The following TRIOBP variants were observed in gnomAD, a reference collection of about 807,000 sequenced individuals.
TRIOBP encodes the protein TRIO and F-actin binding protein.
A neutral mutation model predicts 238.8 loss-of-function variants in TRIOBP; 169 were observed. The ratio of observed to expected loss-of-function variants is 0.71; its 90% confidence interval spans 0.62 to 0.80. The LOEUF (loss-of-function observed/expected upper bound fraction) is 0.80, where lower values mean the gene tolerates loss of function less well. TRIOBP is among the 30% of genes least tolerant of loss of function. The probability of loss-of-function intolerance (pLI) is 0.00; values close to 1 mark genes in which losing one functional copy is unlikely to be tolerated. For missense variants in TRIOBP, 2,838 were observed against 3,122.6 expected, an observed-to-expected ratio of 0.91 and a Z score of 2.17; for synonymous variants, 1,150 against 1,274.4, an observed-to-expected ratio of 0.90 and a Z score of 2.08.
intron 7 of TRIOBP, among the ~76,000 whole-genome samples, chr22:37,730,039 G>C (rs1924349968): frequency 6.6e-6 from 1 of 152,076 alleles, no homozygotes; most frequent in African/African-American, 2.4e-5. Context: ...TGGGAGTTTT[G>C]GCTTGATCTT....
chr22:37,723,675 C>T lies in TRIOBP; in HGVS notation c.1119C>T (p.Pro373=), dbSNP rs1421076696. The change falls in exon 7 of 24, where the codon CCC becomes CCT. Residue 373 remains proline (P), a synonymous_variant. Coordinates refer to ENST00000644935, the MANE Select transcript of TRIOBP (RefSeq NM_001039141.3). Reference sequence around the variant, plus strand: ...AAACTTCTTTTCCTACTTGTACTCCCCAGCGGGAAAACCCCAGGACACCCT... The same window carrying T: ...AAACTTCTTTTCCTACTTGTACTCCTCAGCGGGAAAACCCCAGGACACCCT... ...NPQTSFPTCT[P]QRENPRTPCV... 6.2e-7 allele frequency: 1 copy of T among 1,613,840 alleles called. No homozygotes were observed. The highest frequency in any genetic ancestry group is 1.7e-5 in the Admixed American group (1 of 59,988).
At chr22:37,754,609 G>T (rs573985140) in intron 12 of TRIOBP, among the ~76,000 whole-genome samples, 1 of 152,098 alleles carries the variant, frequency 6.6e-6, no homozygotes, top group Non-Finnish European at 1.5e-5. Context: ...ACCCCTCCCT[G>T]TCTGCACTGG....
chr22:37,729,076 C>T (rs1055628968), intron 7 of TRIOBP, among the ~76,000 whole-genome samples: 4 of 152,250 alleles, frequency 2.6e-5, no homozygotes, highest in Admixed American at 1.3e-4. Context: ...CCGCCACATC[C>T]GGCTAATTTT....
intron 11 of TRIOBP, chr22:37,746,216 A>G (rs1459307834): frequency 6.5e-6 from 3 of 458,594 alleles, no homozygotes; most frequent in African/African-American, 7.2e-5. Context: ...AGGAAGTTTG[A>G]AAAAAAAAAA....
intron 22 of TRIOBP, 29 bp from the exon 23 acceptor site, chr22:37,772,572 T>C (rs766885372): frequency 1.3e-5 from 21 of 1,613,772 alleles, no homozygotes; most frequent in Non-Finnish European, 1.7e-5. Context: ...AGAGACTTCA[T>C]GCCCTCATAC....
rs1329209743 is a variant in TRIOBP, at chr22:37,713,247, C to T, written c.292C>T (p.Pro98Ser). Residue 98 changes from proline (P) to serine (S), a missense_variant, in exon 5 of 24, where the codon CCC (proline) becomes TCC (serine). By Grantham distance (74) the Pro-to-Ser change is moderately conservative (BLOSUM62 -1). This residue lies in a region of TRIOBP where 535 missense variants were observed against 537.3 expected (regional missense o/e 1.00). Coordinates refer to ENST00000644935, the MANE Select transcript of TRIOBP (RefSeq NM_001039141.3). ...CTCAGCAGGGCTCCCAGAAGAGGGT[C>T]CCACAGCTGCCCCCAGGAGCAGGAG... ...SPSAGLPEEG[P>S]TAAPRSRSRE... is the part of the protein sequence containing the mutation. The T allele has an allele frequency of 2.5e-6, 4 of 1,613,726 alleles. No homozygotes were observed. Among genetic ancestry groups the T allele is most frequent in the South Asian group, 1.1e-5 (1 of 91,088 alleles).
Position 37,746,457 on chromosome 22 carries a change from G to A in TRIOBP, c.5323-5315G>A, listed in dbSNP as rs889397999. 27 of 1,416,580 alleles carry A rather than the reference G, an allele frequency of 1.9e-5. No individual in the cohort carries two copies. The African/African-American group carries it at 3.4e-4, about 18-fold the overall frequency. 87.8% of individuals were successfully genotyped at this position (1,416,580 alleles called of 1,614,324 possible). A position where few individuals can be genotyped will look rare whatever the true frequency, so the allele number is the denominator to read the frequency against. ...AGTCAGCCGCCCGCGCCCGAGGCCG[G>A]GAGAAGGGCGACGACCCGAGGCAGA... On this transcript the variant is annotated intron_variant, in intron 11 of 23. Transcript: ENST00000644935.
intron 7 of TRIOBP, among the ~76,000 whole-genome samples, chr22:37,733,090 A>C (rs1924502532): frequency 6.6e-6 from 1 of 152,356 alleles, no homozygotes; most frequent in Admixed American, 6.5e-5. Flanking sequence ...CAAGAGCCTC[A>C]TGAGGCAGAA....
intron 11 of TRIOBP, chr22:37,746,557 G>A (rs1265535594): frequency 1.1e-5 from 9 of 783,628 alleles, no homozygotes; most frequent in Non-Finnish European, 1.3e-5. Flanking sequence ...CGGAAGACGG[G>A]GCCACCTCCG....
chr22:37,718,281 G>A (rs2413478), intron 6 of TRIOBP, among the ~76,000 whole-genome samples: 122,320 of 152,210 alleles, frequency 0.8, 51,458 homozygotes, highest in East Asian at 1. Context: ...CCCAGGAAGG[G>A]GCTCCCACAG....
rs1354584160 is a variant in TRIOBP, at chr22:37,751,808, A to G, written c.5359A>G (p.Ile1787Val). 6.2e-7 allele frequency: 1 copy of G among 1,613,866 alleles called. No homozygotes were observed. The highest frequency in any genetic ancestry group is 8.5e-7 in the Non-Finnish European group (1 of 1,179,972). Residue 1787 changes from isoleucine (I) to valine (V), a missense_variant, in exon 12 of 24, where the codon ATC (isoleucine) becomes GTC (valine). Physicochemically the swap from Ile to Val is conservative, Grantham distance 29 (BLOSUM62 3). This residue lies in a region of TRIOBP where 2,096 missense variants were observed against 2,137.4 expected (regional missense o/e 0.98). Transcript: ENST00000644935. ...CAACTTCAAGAAGGGATGGATGTCGATCTTGGACGAGCCTGGAGAGGTAAG... is the reference window on the plus strand; with the variant it reads ...CAACTTCAAGAAGGGATGGATGTCGGTCTTGGACGAGCCTGGAGAGGTAAG... ...LLNFKKGWMS[I>V]LDEPGEPPSP...
chr22:37,713,155 G>A, intron 4 of TRIOBP, 55 bp from the exon 5 acceptor site: 2 of 1,500,838 alleles, frequency 1.3e-6, no homozygotes, highest in Admixed American at 3.9e-5. Flanking sequence ...TGCCTGGGTG[G>A]GGTGGGGGAT....
rs1927025526 is a variant in TRIOBP at position 37,776,229 on chromosome 22, C to A, written c.*2449C>A. Reference sequence around the variant, plus strand: ...AAGGTGCTCCACATCTCATTAAAAACCGTGAAATCGCACTGCCCCACTATC... The same window carrying A: ...AAGGTGCTCCACATCTCATTAAAAAACGTGAAATCGCACTGCCCCACTATC... On this transcript the variant is annotated 3_prime_UTR_variant, in exon 24 of 24. Coordinates refer to ENST00000644935, the MANE Select transcript of TRIOBP (RefSeq NM_001039141.3). 1 of 152,254 alleles carries A rather than the reference C, an allele frequency of 6.6e-6. No homozygotes were observed. Among genetic ancestry groups the A allele is most frequent in the Non-Finnish European group, 1.5e-5 (1 of 68,078 alleles). The allele number at this position is 152,254 out of a possible 1,614,324, so 9.4% of individuals were successfully genotyped here.
chr22:37,719,548 TG>T (rs904410588), intron 6 of TRIOBP, among the ~76,000 whole-genome samples: 20 of 152,166 alleles, frequency 1.3e-4, no homozygotes, highest in Non-Finnish European at 1.5e-5. Context: ...GTTTACTTAC[TG>T]CCCACAAGTC....
rs775364256 is a variant in TRIOBP at position 37,725,639 on chromosome 22, C to T, written c.3083C>T (p.Ser1028Leu). 7.4e-6 allele frequency: 12 copies of T among 1,613,804 alleles called. No individual in the cohort carries two copies. The highest frequency in any genetic ancestry group is 2.2e-5 in the South Asian group (2 of 91,060). The change falls in exon 7 of 24, where the codon TCG (serine) becomes TTG (leucine). Residue 1028 changes from serine (S) to leucine (L), a missense_variant. This residue lies in a region of TRIOBP where 2,096 missense variants were observed against 2,137.4 expected (regional missense o/e 0.98). Coordinates refer to ENST00000644935, the MANE Select transcript of TRIOBP (RefSeq NM_001039141.3). ...IGHRDAPRAS[S>L]PPRYLQHDPF... Reference sequence around the variant, plus strand: ...CACCGGGATGCCCCTCGAGCCTCTTCGCCCCCTCGCTATTTGCAGCACGAC... The same window carrying T: ...CACCGGGATGCCCCTCGAGCCTCTTTGCCCCCTCGCTATTTGCAGCACGAC...
chr22:37,726,748 A>G (rs1924189786), intron 7 of TRIOBP, among the ~76,000 whole-genome samples: 1 of 152,226 alleles, frequency 6.6e-6, no homozygotes, highest in Admixed American at 6.5e-5. Flanking sequence ...GACTGCAGTC[A>G]GGAGGGCTGA....
chr22:37,747,372 T>C (rs1259653191), intron 11 of TRIOBP, among the ~76,000 whole-genome samples: 1 of 147,610 alleles, frequency 6.8e-6, no homozygotes, highest in African/African-American at 2.5e-5. Context: ...GTGGCCCTCC[T>C]GGGGGAGGAT....
At chr22:37,711,617 A>T (rs534019677) in intron 4 of TRIOBP, among the ~76,000 whole-genome samples, 1 of 151,542 alleles carries the variant, frequency 6.6e-6, no homozygotes, top group Non-Finnish European at 1.5e-5. Context: ...AACAAAAAAA[A>T]ACCCACAAAA....
At chr22:37,714,021 A>G (rs972354483) in intron 5 of TRIOBP, among the ~76,000 whole-genome samples, 1 of 152,306 alleles carries the variant, frequency 6.6e-6, no homozygotes, top group East Asian at 1.9e-4. Flanking sequence ...CACACGCTTC[A>G]TGGCCAGCTC....
Sources: allele counts gnomAD v4.1 joint callset (sites outside exome capture counted in the v4.1 genomes callset), GRCh38; gene constraint gnomAD v4.1.1; regional missense constraint gnomAD v4.1.1; transcripts MANE v1.5; gene names NCBI Gene and HGNC (gene_info 2026-07-23, HGNC 2026-07-21).